Variants in NAV3 observed in about 807,000 individuals in gnomAD.
NAV3 encodes neuron navigator 3.
In NAV3, 87 loss-of-function variants were observed where a neutral mutation model predicts 244.7. That is an observed-to-expected ratio of 0.36 (90% confidence interval 0.30 to 0.42). The LOEUF is 0.42. NAV3 is among the 20% of genes least tolerant of loss of function. The pLI, the probability that NAV3 is intolerant of heterozygous loss-of-function variation, is 1.00. For missense variants in NAV3, 2,663 were observed against 2,893.3 expected (o/e 0.92, Z 1.83); for synonymous variants, 1,126 against 1,042.2 (o/e 1.08, Z -1.55).
At chr12:78,146,341 TAA>T (rs763546380) in intron 20 of NAV3, 26 bp from the exon 21 acceptor site, 28 of 1,025,238 alleles carry the variant, frequency 2.7e-5, no homozygotes, top group Non-Finnish European at 3.7e-5. Flanking sequence ...TTTTTATAGT[TAA>T]AGTCTTTCTT....
At chr12:78,168,952 T>C in intron 24 of NAV3, 86 bp downstream of exon 24, 1 of 840,352 alleles carries the variant, frequency 1.2e-6, no homozygotes, top group Non-Finnish European at 1.9e-6. Context: ...ATTTACTCAG[T>C]GTCACTGTGC....
intron 9 of NAV3, among the ~76,000 whole-genome samples, chr12:78,029,241 G>C (rs1194740412): frequency 6.7e-6 from 1 of 149,410 alleles, no homozygotes; most frequent in Non-Finnish European, 1.5e-5. Flanking sequence ...GGATATCAAA[G>C]AAATTTTTAA....
chr12:78,092,191 T>C (rs1953981070), intron 12 of NAV3, among the ~76,000 whole-genome samples: 1 of 152,130 alleles, frequency 6.6e-6, no homozygotes, highest in South Asian at 2.1e-4. Context: ...CAAACAGGTA[T>C]CTGTGGAAAT....
At chr12:77,860,291 T>G (rs2136327275) in intron 1 of NAV3, among the ~76,000 whole-genome samples, 1 of 150,476 alleles carries the variant, frequency 6.6e-6, no homozygotes, top group African/African-American at 2.4e-5. Context: ...CCTTTACTTT[T>G]ATATATAATA....
At chr12:77,900,915 A>G (rs1285645342) in intron 1 of NAV3, among the ~76,000 whole-genome samples, 1 of 152,162 alleles carries the variant, frequency 6.6e-6, no homozygotes, top group Non-Finnish European at 1.5e-5. Flanking sequence ...ACTTTTTCAT[A>G]ATAGCCATTC....
At chr12:77,613,900 G>A (rs1871034955) in intron 2 of NAV3, among the ~76,000 whole-genome samples, 1 of 151,984 alleles carries the variant, frequency 6.6e-6, no homozygotes. Flanking sequence ...TCCATGCGAT[G>A]ATGAACCCGT....
intron 18 of NAV3, among the ~76,000 whole-genome samples, chr12:78,134,864 CT>C (rs1262850521): frequency 6.6e-6 from 1 of 152,188 alleles, no homozygotes; most frequent in Non-Finnish European, 1.5e-5. Context: ...AGGTTAGTGG[CT>C]TTGCCAAGAT....
chr12:77,757,409 C>T (rs1419056738), intron 2 of NAV3, among the ~76,000 whole-genome samples: 2 of 152,190 alleles, frequency 1.3e-5, no homozygotes, highest in African/African-American at 2.4e-5. Context: ...GCTGTCTTTG[C>T]ACGTTGAAAT....
At chr12:78,185,732 C>A (rs1420031879) in intron 31 of NAV3, 34 bp downstream of exon 31, 1 of 1,536,182 alleles carries the variant, frequency 6.5e-7, no homozygotes, top group Admixed American at 1.7e-5. Context: ...TTATTACTAA[C>A]AATGAGAATT....
intron 22 of NAV3, among the ~76,000 whole-genome samples, chr12:78,149,280 T>G (rs1055392957): frequency 2.6e-5 from 4 of 152,164 alleles, no homozygotes; most frequent in Non-Finnish European, 5.9e-5. Context: ...AATATTCCTG[T>G]GCCCAGCCTC....
chr12:77,787,021 C>G lies in NAV3; in HGVS notation c.73-153298C>G, dbSNP rs945037904. On this transcript the variant is annotated intron_variant, in intron 2 of 8. Transcript: ENST00000550042. ...GTTGAAAAGTACTCCCTTTAACCCCCTATCTGCTTGAACCTCTGATCTGAT... is the reference window on the plus strand; with the variant it reads ...GTTGAAAAGTACTCCCTTTAACCCCGTATCTGCTTGAACCTCTGATCTGAT... 1.4e-4 allele frequency among the ~76,000 whole-genome samples: 21 copies of G among 151,954 alleles called. 1 individual carries two copies. The highest frequency in any genetic ancestry group is 6.6e-5 in the Admixed American group (1 of 15,230).
At chr12:77,585,535 G>A (rs552551094) in intron 2 of NAV3, among the ~76,000 whole-genome samples, 1 of 152,252 alleles carries the variant, frequency 6.6e-6, no homozygotes, top group Non-Finnish European at 1.5e-5. Context: ...CGGGGGAAGG[G>A]TATCGATGGT....
intron 2 of NAV3, among the ~76,000 whole-genome samples, chr12:77,792,004 G>T (rs1287787511): frequency 1.3e-5 from 2 of 152,156 alleles, no homozygotes; most frequent in Non-Finnish European, 2.9e-5. Flanking sequence ...ATCCCCTGTG[G>T]ATATTGAGTG....
intron 1 of NAV3, 22 bp downstream of exon 1, chr12:77,831,726 C>A (rs752624425): frequency 4.4e-6 from 7 of 1,577,018 alleles, no homozygotes; most frequent in African/African-American, 2.7e-5. Flanking sequence ...AAGTTACCTG[C>A]AGACTTGTGT....
upstream of NAV3, among the ~76,000 whole-genome samples, chr12:77,827,078 C>T (rs577197723): frequency 6.6e-6 from 1 of 151,896 alleles, no homozygotes; most frequent in African/African-American, 2.4e-5. Flanking sequence ...ACTAAAAATA[C>T]AAAAATTAGC....
At chr12:77,997,549 T>C (rs570684017) in intron 6 of NAV3, among the ~76,000 whole-genome samples, 1 of 152,330 alleles carries the variant, frequency 6.6e-6, no homozygotes, top group Non-Finnish European at 1.5e-5. Flanking sequence ...CTGTCCTTCA[T>C]ACACAAAGAG....
At chr12:77,572,570 T>C (rs1236084480) in intron 2 of NAV3, among the ~76,000 whole-genome samples, 1 of 152,140 alleles carries the variant, frequency 6.6e-6, no homozygotes, top group Non-Finnish European at 1.5e-5. Context: ...AGACCCAGGG[T>C]GAGGCATGAG....
intron 2 of NAV3, among the ~76,000 whole-genome samples, chr12:77,743,461 A>C (rs1326819236): frequency 6.6e-6 from 1 of 151,886 alleles, no homozygotes; most frequent in Non-Finnish European, 1.5e-5. Context: ...TCACCCAAGG[A>C]GATATAAAAA....
intron 2 of NAV3, among the ~76,000 whole-genome samples, chr12:77,737,873 C>T (rs547868413): frequency 1.3e-5 from 2 of 152,244 alleles, no homozygotes; most frequent in East Asian, 3.9e-4. Flanking sequence ...TGGAGTGGTT[C>T]AAACATGCTT....
Sources: gnomAD v4.1 joint callset for allele counts (sites outside exome capture counted in the v4.1 genomes callset) on GRCh38, gnomAD v4.1.1 for gene constraint, MANE v1.5 for transcripts, NCBI Gene and HGNC (gene_info 2026-07-23, HGNC 2026-07-21) for gene names.